The following TSBP1 variants were observed in gnomAD, a reference collection of about 807,000 sequenced individuals.
TSBP1 encodes testis-expressed basic protein 1.
In TSBP1, 56 loss-of-function variants were observed where a neutral mutation model predicts 68.8. That is an observed-to-expected ratio of 0.81 (90% CI 0.66 to 1.02). The LOEUF is 1.02. Among genes scored for constraint, TSBP1 ranks in the 50% least tolerant of loss-of-function variants. TSBP1 has a pLI of 0.00. For missense variants in TSBP1, 502 were observed against 641.2 expected (o/e 0.78, Z 2.34); for synonymous variants, 171 against 208.7 (o/e 0.82, Z 1.56).
At chr6:32,300,497 A>G (rs1765173925) in intron 21 of TSBP1, among the ~76,000 whole-genome samples, 183 bp downstream of exon 24, 1 of 152,236 alleles carries the variant, frequency 6.6e-6, no homozygotes, top group African/African-American at 2.4e-5. Flanking sequence ...CAAGACCATT[A>G]TACTTTGTTA....
rs1766900455 is a variant in TSBP1, at chr6:32,315,900, A to G, written c.560-108T>C. ...CTGTGAGGGGAGGACTTGTGTGGGC[A>G]AAGAAGGAAGCATTCCAAACCACCC... On this transcript the variant is annotated intron_variant, in intron 18 of 22. Transcript: ENST00000612031. The surrounding 1 kb of genome is among the most constrained non-coding windows in gnomAD (Gnocchi z 5.4). 1.5e-6 allele frequency: 1 copy of G among 674,076 alleles called. No individual in the cohort carries two copies. Among genetic ancestry groups the G allele is most frequent in the East Asian group, 2.7e-5 (1 of 36,480 alleles). The allele number at this position is 674,076 out of a possible 1,614,324, so 41.8% of individuals were successfully genotyped here. A position where few individuals can be genotyped will look rare whatever the true frequency, so the allele number is the denominator to read the frequency against.
intron 4 of TSBP1, chr6:32,366,525 A>T: frequency 1.9e-6 from 1 of 522,054 alleles, no homozygotes; most frequent in Non-Finnish European, 3.4e-6. Context: ...GCACTTTGGG[A>T]GGCCGAGGCG....
At chr6:32,330,463 CAT>C (rs757939966) in intron 16 of TSBP1, 124 bp downstream of exon 17, 34 of 788,350 alleles carry the variant, frequency 4.3e-5, no homozygotes, top group Admixed American at 6.0e-5. Context: ...AGCATAAAAA[CAT>C]GTGTAAAATA....
At chr6:32,345,924 T>A (rs1174992295) in intron 9 of TSBP1, among the ~76,000 whole-genome samples, 1 of 152,158 alleles carries the variant, frequency 6.6e-6, no homozygotes, top group Admixed American at 6.5e-5. Context: ...TGTGGCCCTA[T>A]GCATCTTTCA....
At chr6:32,331,990 G>GT (rs1769076921) in intron 15 of TSBP1, 44 bp downstream of exon 16, 1 of 1,454,606 alleles carries the variant, frequency 6.9e-7, no homozygotes, top group African/African-American at 1.4e-5. Context: ...TTCAGACATA[G>GT]TAAGAAGCCA....
chr6:32,348,103 T>A (rs182808813), intron 9 of TSBP1, among the ~76,000 whole-genome samples: 106 of 152,364 alleles, frequency 7.0e-4, no homozygotes, highest in African/African-American at 2.5e-3. Context: ...CTCACTAGAA[T>A]CTATGCTGTC....
intron 22 of TSBP1, among the ~76,000 whole-genome samples, chr6:32,298,450 A>T (rs1764931746): frequency 6.6e-6 from 1 of 152,136 alleles, no homozygotes; most frequent in African/African-American, 2.4e-5. Flanking sequence ...ATGGTGGCAC[A>T]TGCCTGTAAT....
intron 19 of TSBP1, among the ~76,000 whole-genome samples, chr6:32,303,412 T>C (rs1018395726): frequency 6.6e-6 from 1 of 151,488 alleles, no homozygotes; most frequent in African/African-American, 2.4e-5. Context: ...TTTATCATGA[T>C]ATAATGTCCC....
intron 3 of TSBP1, among the ~76,000 whole-genome samples, chr6:32,368,187 G>A (rs186692382): frequency 1.1e-3 from 168 of 152,198 alleles, no homozygotes; most frequent in African/African-American, 3.8e-3. Flanking sequence ...ATAGTCAGAA[G>A]GAGTTTCAGA....
intron 20 of TSBP1, among the ~76,000 whole-genome samples, chr6:32,301,712 A>T (rs146011760): frequency 0.067 from 9,329 of 140,246 alleles, 447 homozygotes; most frequent in Non-Finnish European, 0.11. Flanking sequence ...GCTGTTTTAA[A>T]AAAAAAAAAA....
intron 19 of TSBP1, among the ~76,000 whole-genome samples, chr6:32,307,788 T>TG (rs1309793001): frequency 6.6e-6 from 1 of 151,576 alleles, no homozygotes; most frequent in African/African-American, 2.4e-5. Flanking sequence ...GTTTTTTTTT[T>TG]TTTTGAGACA....
Position 32,343,275 on chromosome 6 carries a change from A to G in TSBP1, c.350-3637T>C, listed in dbSNP as rs1197557668. The stretch of plus-strand genomic sequence containing the variant: ...GAGGTAAAGCTAAAGAACAATAACA[A>G]TTATTCAAGTCAGTCTAAAGTTTCA... On this transcript the variant is annotated intron_variant, in intron 9 of 22. Coordinates refer to ENST00000612031, the Ensembl canonical transcript of TSBP1. The surrounding 1 kb of genome is among the most constrained non-coding windows in gnomAD (Gnocchi z 4.3). The G allele has an allele frequency of 1.5e-6, 2 of 1,368,710 alleles. No homozygotes were observed. Among genetic ancestry groups the G allele is most frequent in the Admixed American group, 3.3e-5 (1 of 30,070 alleles). 84.8% of individuals were successfully genotyped at this position (1,368,710 alleles called of 1,614,324 possible). A position where few individuals can be genotyped will look rare whatever the true frequency, so the allele number is the denominator to read the frequency against.
rs1486904066 is a variant in TSBP1 at position 32,315,822 on chromosome 6, A to C, written c.560-30T>G. On this transcript the variant is annotated intron_variant, in intron 18 of 22. Transcript: ENST00000612031. The surrounding 1 kb of genome is among the most constrained non-coding windows in gnomAD (Gnocchi z 5.4). ...AAAATAAGCAAAAAGAAATCCATTT[A>C]ATTTTTCTCAAATGGAGAAAACATA... 2 of 1,399,352 alleles carry C rather than the reference A, an allele frequency of 1.4e-6. No individual in the cohort carries two copies. Among genetic ancestry groups the C allele is most frequent in the Non-Finnish European group, 9.7e-7 (1 of 1,027,902 alleles). 86.7% of individuals were successfully genotyped at this position (1,399,352 alleles called of 1,614,324 possible).
At chr6:32,307,781 T>G (rs1244191366) in intron 19 of TSBP1, among the ~76,000 whole-genome samples, 2 of 151,460 alleles carry the variant, frequency 1.3e-5, no homozygotes. Flanking sequence ...TTGCCTGGTT[T>G]TTTTTTTTTT....
At chr6:32,295,351 A>ACACAC (rs773829841) in intron 22 of TSBP1, among the ~76,000 whole-genome samples, 6 of 92,118 alleles carry the variant, frequency 6.5e-5, no homozygotes, top group South Asian at 3.5e-4. Context: ...CACACACACA[A>ACACAC]AAAAAAAAAA....
At chr6:32,301,039 A>G (rs1326732198) in intron 20 of TSBP1, among the ~76,000 whole-genome samples, 1 of 151,734 alleles carries the variant, frequency 6.6e-6, no homozygotes, top group African/African-American at 2.4e-5. Context: ...TTTTTTTTTA[A>G]TATATTTTTT....
chr6:32,332,804 C>A (rs910455906), intron 14 of TSBP1, among the ~76,000 whole-genome samples: 4 of 151,846 alleles, frequency 2.6e-5, no homozygotes, highest in African/African-American at 9.7e-5. Flanking sequence ...GAGATGGGGT[C>A]TTGCTCTGTT....
intron 8 of TSBP1, chr6:32,353,124 A>C (rs1168486675): frequency 6.6e-6 from 1 of 151,980 alleles, no homozygotes; most frequent in East Asian, 1.9e-4. Context: ...TATGACAAGA[A>C]AATGGTTTTA....
chr6:32,308,718 GTA>G (rs1766044945), intron 19 of TSBP1, among the ~76,000 whole-genome samples: 1 of 151,414 alleles, frequency 6.6e-6, no homozygotes, highest in Non-Finnish European at 1.5e-5. Flanking sequence ...TTCAGAAGAT[GTA>G]TGTCACATTT....
Sources: gnomAD v4.1 joint callset for allele counts (sites outside exome capture counted in the v4.1 genomes callset) on GRCh38, gnomAD v4.1.1 for gene constraint, Gnocchi (gnomAD v3.1) non-coding constraint, MANE v1.5 for transcripts, NCBI Gene and HGNC (gene_info 2026-07-23, HGNC 2026-07-21) for gene names.